RPS6KA2: variants seen among roughly 807,000 people sequenced by gnomAD.
RPS6KA2 encodes ribosomal protein S6 kinase A2.
A neutral mutation model predicts 91.8 loss-of-function variants in RPS6KA2; 42 were observed. That is an observed-to-expected ratio of 0.46 (90% CI 0.36 to 0.59). The LOEUF is 0.59. RPS6KA2 is among the 20% of genes least tolerant of loss of function. The pLI, the probability that RPS6KA2 is intolerant of heterozygous loss-of-function variation, is 0.00. For synonymous variants in RPS6KA2, 414 were observed against 393.6 expected (o/e 1.05, Z -0.61); for missense variants, 798 against 978.5 (o/e 0.82, Z 2.46).
chr6:166,670,112 T>C (rs1428629129), intron 2 of RPS6KA2, among the ~76,000 whole-genome samples: 1 of 152,252 alleles, frequency 6.6e-6, no homozygotes, highest in Non-Finnish European at 1.5e-5. Context: ...GAATAGGATG[T>C]GGAGAATGTA....
intron 14 of RPS6KA2, among the ~76,000 whole-genome samples, chr6:166,442,432 C>T (rs1204749805): frequency 6.6e-6 from 1 of 152,168 alleles, no homozygotes; most frequent in Non-Finnish European, 1.5e-5. Flanking sequence ...TGTGTTGAAC[C>T]GTTCTGAGTT....
chr6:166,757,725 C>G (rs1778057830), intron 2 of RPS6KA2: 1 of 365,608 alleles, frequency 2.7e-6, no homozygotes, highest in African/African-American at 2.1e-5. Context: ...CTTCCCTCCC[C>G]TCACCCCTCT....
At chr6:166,547,696 G>A (rs1783874266) in intron 1 of RPS6KA2, among the ~76,000 whole-genome samples, 1 of 152,234 alleles carries the variant, frequency 6.6e-6, no homozygotes, top group Non-Finnish European at 1.5e-5. Flanking sequence ...AACAGTAATT[G>A]TGCCTTATAT....
chr6:166,833,637 C>T (rs964580120), intron 2 of RPS6KA2, among the ~76,000 whole-genome samples: 3 of 152,250 alleles, frequency 2.0e-5, no homozygotes, highest in Non-Finnish European at 1.5e-5. Flanking sequence ...TTGGGCCTGG[C>T]TGCTTTCCTT....
At chr6:166,573,324 G>C (rs985366289) in intron 1 of RPS6KA2, among the ~76,000 whole-genome samples, 1 of 152,204 alleles carries the variant, frequency 6.6e-6, no homozygotes, top group East Asian at 1.9e-4. Context: ...CAGCACCCTC[G>C]TGCAAACTCA....
chr6:166,527,738 C>T (rs1191262663), intron 3 of RPS6KA2, among the ~76,000 whole-genome samples: 1 of 152,150 alleles, frequency 6.6e-6, no homozygotes, highest in African/African-American at 2.4e-5. Context: ...CCTAGGAAAC[C>T]ACTCATCTAC....
chr6:166,710,477 GTTGTGT>G (rs1236851581), intron 2 of RPS6KA2, among the ~76,000 whole-genome samples: 5 of 68,374 alleles, frequency 7.3e-5, no homozygotes, highest in Non-Finnish European at 1.2e-4. Context: ...TATGGTATGT[GTTGTGT>G]GAGTGTGTGT....
intron 1 of RPS6KA2, among the ~76,000 whole-genome samples, chr6:166,613,285 G>T (rs1786256186): frequency 6.6e-6 from 1 of 152,240 alleles, no homozygotes; most frequent in Non-Finnish European, 1.5e-5. Flanking sequence ...CGGCTGGGGT[G>T]CAAGAGCTAG....
At chr6:166,802,308 T>C (rs941888420) in intron 2 of RPS6KA2, among the ~76,000 whole-genome samples, 1 of 151,838 alleles carries the variant, frequency 6.6e-6, no homozygotes, top group Non-Finnish European at 1.5e-5. Flanking sequence ...CCCTAGACAT[T>C]AGGAAAGAGT....
intron 2 of RPS6KA2, among the ~76,000 whole-genome samples, chr6:166,682,298 T>G (rs1788846228): frequency 6.6e-6 from 1 of 152,206 alleles, no homozygotes; most frequent in South Asian, 2.1e-4. Flanking sequence ...TAATAAAACA[T>G]TGGTATTGAG....
intron 2 of RPS6KA2, among the ~76,000 whole-genome samples, chr6:166,731,866 G>T (rs971722970): frequency 6.6e-6 from 1 of 152,014 alleles, no homozygotes; most frequent in Non-Finnish European, 1.5e-5. Flanking sequence ...GGACTCCCCC[G>T]GGGCCATCAC....
At position 166,459,909 on chromosome 6, in the gene RPS6KA2, AGGACAGCCACCACTTGCCCCCACTGG is replaced by A. The variant is rs1048755857; in HGVS notation, c.973-384_973-359del. Among the ~76,000 whole-genome samples, 4 of 152,178 alleles carry A rather than the reference AGGACAGCCACCACTTGCCCCCACTGG, an allele frequency of 2.6e-5. No homozygotes were observed. The highest frequency in any genetic ancestry group is 9.7e-5 in the African/African-American group (4 of 41,442). On this transcript the variant is annotated intron_variant, in intron 11 of 20. Coordinates refer to ENST00000265678, the MANE Select transcript of RPS6KA2 (RefSeq NM_021135.6). The surrounding 1 kb of genome is among the most constrained non-coding windows in gnomAD (Gnocchi z 4.9). ...TCTTCTTTTCCAAGTAAAATCATAC[AGGACAGCCACCACTTGCCCCCACTGG>A]GGACAGCAGTGAAGAGGCCGTGTGG... is the stretch of plus-strand genomic sequence containing the variant.
intron 3 of RPS6KA2, among the ~76,000 whole-genome samples, chr6:166,530,821 G>A (rs1179021904): frequency 6.6e-6 from 1 of 152,230 alleles, no homozygotes; most frequent in Admixed American, 6.5e-5. Flanking sequence ...CAGTCACTGG[G>A]TCAACAAAGG....
chr6:166,480,045 C>A (rs541734660), intron 10 of RPS6KA2, among the ~76,000 whole-genome samples: 1 of 152,154 alleles, frequency 6.6e-6, no homozygotes, highest in East Asian at 1.9e-4. Flanking sequence ...TCTCTCTGTG[C>A]ACTTGTGTGA....
intron 2 of RPS6KA2, among the ~76,000 whole-genome samples, chr6:166,802,275 A>T (rs76081985): frequency 3.5e-5 from 5 of 141,196 alleles, no homozygotes; most frequent in South Asian, 2.2e-4. Context: ...GTCTCAAAAT[A>T]AAAAAAAAAA....
chr6:166,621,976 T>C (rs1204551881), intron 1 of RPS6KA2, among the ~76,000 whole-genome samples: 1 of 152,176 alleles, frequency 6.6e-6, no homozygotes, highest in Non-Finnish European at 1.5e-5. Context: ...TTGCCCCACA[T>C]GTGAGAAACA....
At chr6:166,658,751 A>G (rs534432803) in intron 2 of RPS6KA2, among the ~76,000 whole-genome samples, 284 of 152,276 alleles carry the variant, frequency 1.9e-3, no homozygotes, top group African/African-American at 6.6e-3. Flanking sequence ...TCTGACCTTC[A>G]TCTGTGCAAG....
rs1298544507 is a variant in RPS6KA2 at position 166,563,247 on chromosome 6, G to A, written c.100-24463C>T. On this transcript the variant is annotated intron_variant, in intron 1 of 20. Transcript: ENST00000265678. This position sits in a 1 kb window ranked among gnomAD's most constrained non-coding sequence, Gnocchi z 4.1. Reference sequence around the variant, plus strand: ...TCTCTGGAGAAGGAAGATGGAGAAGGCATCCTCCGGTGGGATGGGGTGGAG... The same window carrying A: ...TCTCTGGAGAAGGAAGATGGAGAAGACATCCTCCGGTGGGATGGGGTGGAG... 1.3e-5 allele frequency among the ~76,000 whole-genome samples: 2 copies of A among 152,200 alleles called. No individual in the cohort carries two copies. Among genetic ancestry groups the A allele is most frequent in the East Asian group, 1.9e-4 (1 of 5,190 alleles).
At chr6:166,578,093 G>A (rs1784894656) in intron 1 of RPS6KA2, among the ~76,000 whole-genome samples, 1 of 152,194 alleles carries the variant, frequency 6.6e-6, no homozygotes, top group African/African-American at 2.4e-5. Context: ...CCAGCCATGA[G>A]GAACTGTAAG....
Sources: gnomAD v4.1 joint callset for allele counts (sites outside exome capture counted in the v4.1 genomes callset) on GRCh38, gnomAD v4.1.1 for gene constraint, Gnocchi (gnomAD v3.1) non-coding constraint, MANE v1.5 for transcripts, NCBI Gene and HGNC (gene_info 2026-07-23, HGNC 2026-07-21) for gene names.